The following SMOC1 variants were observed in gnomAD, a reference collection of about 807,000 sequenced individuals.
SMOC1 encodes the protein SPARC-related modular calcium-binding protein 1.
Under a neutral mutation model 56.3 loss-of-function variants are expected in SMOC1, and 22 were observed. That is an observed-to-expected ratio of 0.39 (90% CI 0.28 to 0.56). The LOEUF (loss-of-function observed/expected upper bound fraction) is 0.56. Ranked by LOEUF, SMOC1 falls within the 20% of genes least tolerant of loss-of-function variation. The pLI is 0.61. For missense variants in SMOC1, 509 were observed against 565.4 expected, an observed-to-expected ratio of 0.90 and a Z score of 1.01; for synonymous variants, 193 against 215.0, an observed-to-expected ratio of 0.90 and a Z score of 0.89.
At chr14:69,960,648 A>G (rs1883338274) in intron 3 of SMOC1, among the ~76,000 whole-genome samples, 1 of 152,238 alleles carries the variant, frequency 6.6e-6, no homozygotes, top group African/African-American at 2.4e-5. Flanking sequence ...TACTGTGTCC[A>G]GAGCATCTCA....
intron 1 of SMOC1, among the ~76,000 whole-genome samples, chr14:69,909,758 A>T (rs1335621106): frequency 3.9e-5 from 6 of 152,214 alleles, no homozygotes; most frequent in Non-Finnish European, 8.8e-5. Flanking sequence ...GAAAACACTT[A>T]AAAAATCTGT....
At chr14:69,961,272 G>GTGTATATATATATATA (rs1447169812) in intron 3 of SMOC1, among the ~76,000 whole-genome samples, 1 of 74,968 alleles carries the variant, frequency 1.3e-5, no homozygotes, top group Non-Finnish European at 2.5e-5. Flanking sequence ...ATTCTATTGT[G>GTGTATATATATATATA]TATATATATA....
chr14:69,884,659 C>A (rs1362581189), intron 1 of SMOC1, among the ~76,000 whole-genome samples: 1 of 152,096 alleles, frequency 6.6e-6, no homozygotes, highest in Non-Finnish European at 1.5e-5. Context: ...TGTGGATATC[C>A]AGTTTTCCTA....
intron 1 of SMOC1, among the ~76,000 whole-genome samples, chr14:69,905,396 G>A (rs1465271143): frequency 6.6e-6 from 1 of 152,186 alleles, no homozygotes; most frequent in Non-Finnish European, 1.5e-5. Context: ...GGAATAGAAG[G>A]AGGGTAGCTG....
chr14:70,011,364 G>A (rs151176523), intron 8 of SMOC1, 121 bp from the exon 9 acceptor site: 43 of 936,032 alleles, frequency 4.6e-5, no homozygotes, highest in Admixed American at 1.2e-4. Flanking sequence ...AAGAGATATC[G>A]TTCTGCCCAC....
intron 7 of SMOC1, among the ~76,000 whole-genome samples, chr14:70,003,506 G>A (rs1243400141): frequency 6.6e-6 from 1 of 152,170 alleles, no homozygotes; most frequent in African/African-American, 2.4e-5. Context: ...TGAAGTGTCA[G>A]ACTAGAATTC....
At chr14:70,023,125 C>A (rs1885790069) in intron 10 of SMOC1, 78 bp from the exon 11 acceptor site, 1 of 1,607,122 alleles carries the variant, frequency 6.2e-7, no homozygotes, top group Non-Finnish European at 8.5e-7. Flanking sequence ...TTTCTGGGGG[C>A]AGTCATACCA....
At chr14:69,939,157 A>G (rs917932307) in intron 1 of SMOC1, among the ~76,000 whole-genome samples, 1 of 152,208 alleles carries the variant, frequency 6.6e-6, no homozygotes, top group Non-Finnish European at 1.5e-5. Flanking sequence ...TCACGCTGCT[A>G]ATAAAGACAT....
intron 1 of SMOC1, among the ~76,000 whole-genome samples, chr14:69,880,125 G>A (rs1437627625): frequency 6.6e-6 from 1 of 151,516 alleles, no homozygotes; most frequent in Non-Finnish European, 1.5e-5. Context: ...GCTTCCCTGT[G>A]GTCTCACGCT....
intron 5 of SMOC1, among the ~76,000 whole-genome samples, chr14:69,983,001 G>A (rs971319452): frequency 1.3e-5 from 2 of 152,208 alleles, no homozygotes; most frequent in Non-Finnish European, 2.9e-5. Context: ...TACCAGCTTC[G>A]CAGAGGTCAG....
At chr14:69,976,920 C>T (rs578072216) in intron 4 of SMOC1, among the ~76,000 whole-genome samples, 5 of 152,258 alleles carry the variant, frequency 3.3e-5, no homozygotes, top group African/African-American at 1.2e-4. Flanking sequence ...GAATCTACAT[C>T]AGGAAACCCA....
chr14:70,016,298 C>A (rs548294751), intron 10 of SMOC1, among the ~76,000 whole-genome samples: 10 of 152,104 alleles, frequency 6.6e-5, no homozygotes, highest in Admixed American at 2.6e-4. Context: ...CTATTTTAAG[C>A]GTCATTTAGA....
At chr14:69,999,426 C>A (rs1009087964) in intron 7 of SMOC1, among the ~76,000 whole-genome samples, 1 of 152,164 alleles carries the variant, frequency 6.6e-6, no homozygotes, top group Non-Finnish European at 1.5e-5. Context: ...CAGCGGTAGC[C>A]GTCGTAAGCA....
chr14:69,940,349 G>A (rs1882505526), intron 1 of SMOC1, among the ~76,000 whole-genome samples: 2 of 152,124 alleles, frequency 1.3e-5, no homozygotes, highest in African/African-American at 2.4e-5. Flanking sequence ...AGTATCCAGC[G>A]CTCACTGCCA....
intron 5 of SMOC1, among the ~76,000 whole-genome samples, chr14:69,987,148 T>C (rs749952281): frequency 2.6e-5 from 4 of 152,200 alleles, no homozygotes; most frequent in Non-Finnish European, 4.4e-5. Context: ...GGCTCTGGCA[T>C]AAATGTGGTC....
chr14:69,918,236 A>T (rs11623075), intron 1 of SMOC1, among the ~76,000 whole-genome samples: 64,482 of 149,054 alleles, frequency 0.43, 14,810 homozygotes, highest in African/African-American at 0.58. Context: ...ATATATATAT[A>T]TTTTTTTTTT....
chr14:69,905,565 G>T (rs949579046), intron 1 of SMOC1, among the ~76,000 whole-genome samples: 1 of 152,134 alleles, frequency 6.6e-6, no homozygotes, highest in African/African-American at 2.4e-5. Context: ...TTTGGAGGGG[G>T]TGCAAGACTC....
At chr14:69,883,712 T>C (rs1276389291) in intron 1 of SMOC1, among the ~76,000 whole-genome samples, 1 of 152,176 alleles carries the variant, frequency 6.6e-6, no homozygotes, top group Non-Finnish European at 1.5e-5. Flanking sequence ...TTACTGTTTC[T>C]CATGATGGCT....
chr14:70,002,543 G>T (rs1885005855), intron 7 of SMOC1, among the ~76,000 whole-genome samples: 1 of 152,156 alleles, frequency 6.6e-6, no homozygotes, highest in South Asian at 2.1e-4. Flanking sequence ...CCCTCATCAG[G>T]GGCTCCCAGA....
Sources: allele counts gnomAD v4.1 joint callset (sites outside exome capture counted in the v4.1 genomes callset), GRCh38; gene constraint gnomAD v4.1.1; transcripts MANE v1.5; gene names NCBI Gene and HGNC (gene_info 2026-07-23, HGNC 2026-07-21).